The following PTPRT variants were observed in gnomAD, a reference collection of about 807,000 sequenced individuals.
PTPRT encodes the protein protein tyrosine phosphatase receptor type T, also known as receptor-type tyrosine-protein phosphatase T.
In PTPRT, 56 loss-of-function variants were observed where a neutral mutation model predicts 176.8. That is an observed-to-expected ratio of 0.32 (90% confidence interval 0.26 to 0.40). PTPRT has a LOEUF of 0.40. PTPRT is among the 10% of genes least tolerant of loss of function. PTPRT has a pLI of 1.00. For missense variants in PTPRT, 1,540 were observed against 1,908.2 expected (o/e 0.81, Z 3.60); for synonymous variants, 783 against 739.0 (o/e 1.06, Z -0.96).
At chr20:42,169,858 C>T (rs1990003766) in intron 16 of PTPRT, among the ~76,000 whole-genome samples, 1 of 150,158 alleles carries the variant, frequency 6.7e-6, no homozygotes, top group Non-Finnish European at 1.5e-5. Context: ...CTAAGTTCAC[C>T]GTATGACTTG....
chr20:42,957,086 G>A (rs1981686846), intron 1 of PTPRT, among the ~76,000 whole-genome samples: 1 of 152,122 alleles, frequency 6.6e-6, no homozygotes, highest in Non-Finnish European at 1.5e-5. Context: ...AGTGACTTTT[G>A]TGGTCACTAA....
chr20:42,810,030 G>A (rs1344798519), intron 2 of PTPRT, among the ~76,000 whole-genome samples: 1 of 152,114 alleles, frequency 6.6e-6, no homozygotes, highest in Non-Finnish European at 1.5e-5. Context: ...CGGTGGCTCA[G>A]GCCTGTAATC....
At chr20:42,650,669 G>A (rs1448543249) in intron 7 of PTPRT, among the ~76,000 whole-genome samples, 1 of 152,142 alleles carries the variant, frequency 6.6e-6, no homozygotes, top group Non-Finnish European at 1.5e-5. Context: ...TTCTGTCTTG[G>A]CTCTGCAGGG....
intron 1 of PTPRT, among the ~76,000 whole-genome samples, chr20:42,894,740 G>A (rs1210420565): frequency 6.6e-6 from 1 of 152,210 alleles, no homozygotes; most frequent in Non-Finnish European, 1.5e-5. Context: ...CAGCCAGTCT[G>A]CATGCCTTCT....
intron 21 of PTPRT, chr20:42,115,973 T>G: frequency 1.4e-6 from 1 of 713,344 alleles, no homozygotes; most frequent in Non-Finnish European, 2.6e-6. Flanking sequence ...GTCGACTGTT[T>G]AAGTCGCACT....
At chr20:42,896,643 A>T (rs1352972904) in intron 1 of PTPRT, among the ~76,000 whole-genome samples, 3 of 149,760 alleles carry the variant, frequency 2.0e-5, no homozygotes, top group African/African-American at 7.6e-5. Flanking sequence ...CTCAAAAAAA[A>T]AAAAAAAAAA....
chr20:43,002,455 C>G (rs1224087579), intron 1 of PTPRT, among the ~76,000 whole-genome samples: 1 of 152,104 alleles, frequency 6.6e-6, no homozygotes, highest in African/African-American at 2.4e-5. Context: ...TTTTCTAACA[C>G]TCACTAAATC....
intron 9 of PTPRT, among the ~76,000 whole-genome samples, chr20:42,445,575 C>T (rs2059355044): frequency 6.6e-6 from 1 of 152,318 alleles, no homozygotes; most frequent in Admixed American, 6.5e-5. Flanking sequence ...CTACAACCTC[C>T]TTAGCTGTCT....
At chr20:42,081,257 A>G (rs1314273957) in intron 30 of PTPRT, among the ~76,000 whole-genome samples, 1 of 152,186 alleles carries the variant, frequency 6.6e-6, no homozygotes, top group Non-Finnish European at 1.5e-5. Flanking sequence ...GATTCAGTAA[A>G]TCTGGAGTGG....
intron 9 of PTPRT, among the ~76,000 whole-genome samples, chr20:42,361,872 A>G (rs2058436408): frequency 6.6e-6 from 1 of 152,220 alleles, no homozygotes; most frequent in African/African-American, 2.4e-5. Flanking sequence ...TAAATTTTGG[A>G]GTGATTTGTT....
At chr20:42,769,154 G>A (rs1196485058) in intron 5 of PTPRT, among the ~76,000 whole-genome samples, 1 of 152,192 alleles carries the variant, frequency 6.6e-6, no homozygotes, top group Non-Finnish European at 1.5e-5. Context: ...GCAACCCTGG[G>A]AAGCAGAAAG....
chr20:42,758,209 A>T (rs1449291555), intron 5 of PTPRT, among the ~76,000 whole-genome samples: 1 of 152,196 alleles, frequency 6.6e-6, no homozygotes, highest in Non-Finnish European at 1.5e-5. Context: ...TATGATTCTC[A>T]TGCCCTGAGT....
intron 6 of PTPRT, among the ~76,000 whole-genome samples, chr20:42,753,269 G>A (rs1156385986): frequency 2.0e-5 from 3 of 152,096 alleles, no homozygotes; most frequent in African/African-American, 4.8e-5. Context: ...CAACCTGGCT[G>A]TGCTAATTCT....
At chr20:42,161,050 G>A (rs1989574450) in intron 17 of PTPRT, among the ~76,000 whole-genome samples, 1 of 152,136 alleles carries the variant, frequency 6.6e-6, no homozygotes, top group African/African-American at 2.4e-5. Context: ...AACGTTGGAG[G>A]TAATGAAACT....
intron 7 of PTPRT, among the ~76,000 whole-genome samples, chr20:42,577,874 C>A: frequency 8.0e-6 from 1 of 125,522 alleles, no homozygotes; most frequent in South Asian, 3.0e-4. Flanking sequence ...TGTGTACAGG[C>A]ATACCCAGTC....
chr20:42,483,923 G>A (rs1390404739), intron 7 of PTPRT, among the ~76,000 whole-genome samples: 3 of 152,220 alleles, frequency 2.0e-5, no homozygotes, highest in Non-Finnish European at 4.4e-5. Context: ...GCAGGAGGAC[G>A]GGGAGACTTC....
rs529500361 is a variant in PTPRT, at chr20:43,041,372, T to C, written c.88+148274A>G. ...AATGTTGTTATAATTAGCTTTAGCATTGGCTTTTTAAAATTTATGAAGGTG... is the reference window on the plus strand; with the variant it reads ...AATGTTGTTATAATTAGCTTTAGCACTGGCTTTTTAAAATTTATGAAGGTG... On this transcript the variant is annotated intron_variant, in intron 1 of 30. Transcript: ENST00000373187. Among the ~76,000 whole-genome samples, 354 of 152,368 alleles carry C rather than the reference T, an allele frequency of 2.3e-3. 1 individual carries two copies. Among genetic ancestry groups the C allele is most frequent in the Non-Finnish European group, 3.9e-3 (265 of 68,032 alleles).
At chr20:42,614,729 T>C (rs1254329770) in intron 7 of PTPRT, among the ~76,000 whole-genome samples, 2 of 152,090 alleles carry the variant, frequency 1.3e-5, no homozygotes, top group Non-Finnish European at 2.9e-5. Context: ...TTCATGCTGC[T>C]GATAAGGACA....
At chr20:42,553,576 C>T (rs1286633450) in intron 7 of PTPRT, among the ~76,000 whole-genome samples, 1 of 152,068 alleles carries the variant, frequency 6.6e-6, no homozygotes, top group Non-Finnish European at 1.5e-5. Context: ...TTTACATTCT[C>T]TCTCTTGCAC....
Sources: allele counts gnomAD v4.1 joint callset (sites outside exome capture counted in the v4.1 genomes callset), GRCh38; gene constraint gnomAD v4.1.1; transcripts MANE v1.5; gene names NCBI Gene and HGNC (gene_info 2026-07-23, HGNC 2026-07-21).